The following IFT80 variants were observed in gnomAD, a reference collection of about 807,000 sequenced individuals.
IFT80 encodes intraflagellar transport protein 80 homolog.
IFT80 carries 79 observed loss-of-function variants against 107.9 expected under a neutral mutation model. That is an observed-to-expected ratio of 0.73 (90% confidence interval 0.61 to 0.88). IFT80 has a LOEUF of 0.88. Among genes scored for constraint, IFT80 ranks in the 40% least tolerant of loss-of-function variants. The probability of loss-of-function intolerance (pLI) is 0.00; values close to 1 mark genes in which losing one functional copy is unlikely to be tolerated. For missense variants in IFT80, 797 were observed against 914.2 expected (o/e 0.87, Z 1.65); for synonymous variants, 299 against 300.9 (o/e 0.99, Z 0.07).
At chr3:160,307,008 T>G (rs1716878338) in intron 10 of IFT80, among the ~76,000 whole-genome samples, 1 of 152,200 alleles carries the variant, frequency 6.6e-6, no homozygotes, top group Admixed American at 6.5e-5. Flanking sequence ...AAAAAATCCT[T>G]AACTATTTCT....
intron 8 of IFT80, among the ~76,000 whole-genome samples, chr3:160,353,078 G>T (rs1360091883): frequency 6.6e-6 from 1 of 152,004 alleles, no homozygotes; most frequent in Non-Finnish European, 1.5e-5. Context: ...CCAAACTATT[G>T]TGGCCATACT....
chr3:160,356,192 G>A (rs761104212), intron 7 of IFT80, 42 bp from the exon 8 acceptor site: 17 of 1,557,464 alleles, frequency 1.1e-5, no homozygotes, highest in Non-Finnish European at 1.5e-5. Flanking sequence ...ATATCAGGGA[G>A]AAGTTTGCAA....
chr3:160,319,601 T>C (rs935694647), intron 9 of IFT80, among the ~76,000 whole-genome samples, 159 bp downstream of exon 9: 7 of 152,220 alleles, frequency 4.6e-5, no homozygotes, highest in African/African-American at 1.7e-4. Context: ...AAGGTTTTTA[T>C]GTCAGAGAAA....
intron 8 of IFT80, among the ~76,000 whole-genome samples, chr3:160,351,557 GTA>G (rs1014545956): frequency 1.4e-5 from 2 of 140,988 alleles, no homozygotes; most frequent in African/African-American, 2.5e-5. Context: ...TATATTATAT[GTA>G]TATATATATA....
chr3:160,385,390 G>A (rs1053989094), intron 1 of IFT80, among the ~76,000 whole-genome samples: 3 of 152,290 alleles, frequency 2.0e-5, no homozygotes, highest in East Asian at 1.9e-4. Flanking sequence ...ACAGAATTCT[G>A]AGTAACATCA....
At position 160,366,169 on chromosome 3, in the gene IFT80, G is replaced by T. The variant is rs543529955; in HGVS notation, c.440-17C>A. ...CTGGTGTTCCTGTAAGATGAAAAAA[G>T]AAAAAAAAAAGGCTGATAAACTTTA... On this transcript the variant is annotated splice_polypyrimidine_tract_variant and intron_variant, in intron 5 of 19. Coordinates refer to ENST00000326448, the MANE Select transcript of IFT80 (RefSeq NM_020800.3). 51 of 1,345,140 alleles carry T rather than the reference G, an allele frequency of 3.8e-5. No homozygotes were observed. The highest frequency in any genetic ancestry group is 4.8e-5 in the Non-Finnish European group (47 of 980,882). The allele number at this position is 1,345,140 out of a possible 1,614,324, so 83.3% of individuals were successfully genotyped here.
rs909123464 is a variant in IFT80 at position 160,343,422 on chromosome 3, C to T, written c.777+12591G>A. On this transcript the variant is annotated intron_variant, in intron 8 of 19. Coordinates refer to ENST00000326448, the MANE Select transcript of IFT80 (RefSeq NM_020800.3). ...GTACTTTGTATATTTAGATCTTTCCCCTTGGATGCTATTGTTTAATATAGT... is the reference window on the plus strand; with the variant it reads ...GTACTTTGTATATTTAGATCTTTCCTCTTGGATGCTATTGTTTAATATAGT... 7.9e-5 allele frequency among the ~76,000 whole-genome samples: 12 copies of T among 152,062 alleles called. No homozygotes were observed. In the South Asian group the frequency reaches 2.5e-3, roughly 32 times the overall value.
chr3:160,282,171 C>A (rs1559917558), intron 14 of IFT80, among the ~76,000 whole-genome samples: 1 of 152,120 alleles, frequency 6.6e-6, no homozygotes, highest in Admixed American at 6.5e-5. Context: ...GTCCTAGCTA[C>A]TTGGGAGGCT....
chr3:160,264,157 T>G (rs755312805), intron 19 of IFT80, among the ~76,000 whole-genome samples: 4 of 151,956 alleles, frequency 2.6e-5, no homozygotes. Flanking sequence ...TTGCCCAGGT[T>G]GGAGTGCAGT....
chr3:160,330,822 T>C (rs1213764927), intron 8 of IFT80, among the ~76,000 whole-genome samples: 4 of 152,192 alleles, frequency 2.6e-5, no homozygotes, highest in Admixed American at 6.6e-5. Flanking sequence ...CACTTCTCCA[T>C]GGCCCAGATT....
rs2108360083 is a variant in IFT80, at chr3:160,356,027, A to G, written c.763T>C (p.Cys255Arg). Reference protein sequence around the residue: ...AVGSFHTLRLCDKTGWSYALE... With the variant: ...AVGSFHTLRLRDKTGWSYALE... ...CTATAACTTACCCCAGTTTTATCAC[A>G]CAAGCGTAAAGTATGAAACGATCCA... is the stretch of plus-strand genomic sequence containing the variant. The change falls in exon 8 of 20, where the codon TGT becomes CGT. Residue 255 changes from cysteine (C) to arginine (R), a missense_variant. Physicochemically the swap from Cys to Arg is radical, Grantham distance 180 (BLOSUM62 -3). Coordinates refer to ENST00000326448, the MANE Select transcript of IFT80 (RefSeq NM_020800.3). The G allele has an allele frequency of 6.2e-7, 1 of 1,614,056 alleles. No individual in the cohort carries two copies. Among genetic ancestry groups the G allele is most frequent in the Non-Finnish European group, 8.5e-7 (1 of 1,179,944 alleles).
chr3:160,390,569 G>T (rs945905797), intron 1 of IFT80, among the ~76,000 whole-genome samples: 1 of 152,212 alleles, frequency 6.6e-6, no homozygotes, highest in Non-Finnish European at 1.5e-5. Context: ...AACTTAGATG[G>T]TGAAGAACTA....
At chr3:160,320,479 T>A (rs1718123616) in intron 8 of IFT80, among the ~76,000 whole-genome samples, 1 of 151,826 alleles carries the variant, frequency 6.6e-6, no homozygotes, top group Admixed American at 6.6e-5. Flanking sequence ...CTAGAACCTA[T>A]CTAACTGTCT....
chr3:160,358,552 G>T (rs1243469894), intron 6 of IFT80, among the ~76,000 whole-genome samples: 2 of 151,486 alleles, frequency 1.3e-5, no homozygotes, highest in Non-Finnish European at 2.9e-5. Context: ...TGGTATCTGT[G>T]GGGGATTGGT....
At chr3:160,281,423 T>G (rs1714683625) in intron 14 of IFT80, among the ~76,000 whole-genome samples, 1 of 152,146 alleles carries the variant, frequency 6.6e-6, no homozygotes, top group Admixed American at 6.5e-5. Context: ...GGTGGAAATG[T>G]TACAGCAGGT....
At chr3:160,377,769 T>C in intron 3 of IFT80, 2 of 332,068 alleles carry the variant, frequency 6.0e-6, no homozygotes, top group Non-Finnish European at 1.1e-5. Context: ...TAATTATACA[T>C]GTTCATAACA....
At chr3:160,334,329 T>C (rs1322043880) in intron 8 of IFT80, among the ~76,000 whole-genome samples, 2 of 152,140 alleles carry the variant, frequency 1.3e-5, no homozygotes, top group Non-Finnish European at 2.9e-5. Flanking sequence ...TAGTTGATAA[T>C]TGTTGGAAGT....
At chr3:160,277,136 G>A (rs1714329022) in intron 18 of IFT80, among the ~76,000 whole-genome samples, 170 bp downstream of exon 18, 1 of 152,130 alleles carries the variant, frequency 6.6e-6, no homozygotes. Context: ...TCAGTCAAAA[G>A]TTCAGAGAAG....
rs759719560 is a variant in IFT80 at position 160,303,907 on chromosome 3, T to C, written c.1151+8A>G. On this transcript the variant is annotated splice_region_variant and intron_variant, in intron 11 of 19. Transcript: ENST00000326448. ...CCCCAGATCCAGTAGTTAAACATAA[T>C]AAATTACCTTTCTGCCTGCAGAATC... The C allele has an allele frequency of 1.5e-5, 23 of 1,568,370 alleles. No homozygotes were observed. The highest frequency in any genetic ancestry group is 3.3e-4 in the Middle Eastern group (2 of 5,996).
Sources: gnomAD v4.1 joint callset for allele counts (sites outside exome capture counted in the v4.1 genomes callset) on GRCh38, gnomAD v4.1.1 for gene constraint, MANE v1.5 for transcripts, NCBI Gene and HGNC (gene_info 2026-07-23, HGNC 2026-07-21) for gene names.